CCDC62: variants seen among roughly 807,000 people sequenced by gnomAD.
CCDC62 encodes the protein coiled-coil domain containing 62, also known as coiled-coil domain-containing protein 62.
CCDC62 carries 72 observed loss-of-function variants against 80.8 expected under a neutral mutation model. The ratio of observed to expected loss-of-function variants is 0.89; its 90% CI spans 0.74 to 1.08. CCDC62 has a LOEUF of 1.08. Ranked by LOEUF, CCDC62 falls within the 50% of genes least tolerant of loss-of-function variation. The pLI, the probability that CCDC62 is intolerant of heterozygous loss-of-function variation, is 0.00. For synonymous variants in CCDC62, 286 were observed against 296.5 expected (o/e 0.96, Z 0.36); for missense variants, 704 against 809.4 (o/e 0.87, Z 1.58).
At chr12:122,816,476 A>G (rs2032167778) in intron 11 of CCDC62, among the ~76,000 whole-genome samples, 1 of 152,200 alleles carries the variant, frequency 6.6e-6, no homozygotes, top group Non-Finnish European at 1.5e-5. Context: ...CTGTAATCCC[A>G]GCACTTTGGG....
chr12:122,812,815 G>GAAAA (rs1345342275), intron 10 of CCDC62, among the ~76,000 whole-genome samples: 2 of 148,582 alleles, frequency 1.3e-5, no homozygotes, highest in Non-Finnish European at 3.0e-5. Flanking sequence ...AAGAAAGAAA[G>GAAAA]AAAGAAAGAA....
Position 122,777,659 on chromosome 12 carries a change from G to A in CCDC62, c.205G>A (p.Glu69Lys), listed in dbSNP as rs1309578423. Residue 69 changes from glutamate to lysine, a missense_variant, in exon 2 of 13, where the codon GAA becomes AAA. Glu to Lys is a moderately conservative substitution (Grantham distance 56). Coordinates refer to ENST00000253079, the MANE Select transcript of CCDC62 (RefSeq NM_201435.5). ...EEDRQKVLTL[E>K]ERCSKLEGEL... The stretch of plus-strand genomic sequence containing the variant: ...GGATCGGCAGAAAGTGTTGACACTG[G>A]AAGAACGTTGCAGCAAATTAGAAGG... 1.9e-6 allele frequency: 3 copies of A among 1,614,000 alleles called. No individual in the cohort carries two copies. The highest frequency in any genetic ancestry group is 2.5e-6 in the Non-Finnish European group (3 of 1,180,002).
At chr12:122,790,355 C>CT (rs35088704) in intron 5 of CCDC62, among the ~76,000 whole-genome samples, 141,086 of 151,186 alleles carry the variant, frequency 0.93, 65,996 homozygotes, top group East Asian at 0.99. Flanking sequence ...CAGCTTAAAA[C>CT]TTTTTTTTTA....
chr12:122,788,156 GA>G (rs2030385308), intron 4 of CCDC62, among the ~76,000 whole-genome samples: 1 of 152,166 alleles, frequency 6.6e-6, no homozygotes, highest in South Asian at 2.1e-4. Context: ...GGGAGGGATA[GA>G]ACTTTTACTT....
chr12:122,795,595 T>C (rs893364795), intron 6 of CCDC62, among the ~76,000 whole-genome samples: 6 of 152,118 alleles, frequency 3.9e-5, no homozygotes, highest in Non-Finnish European at 7.3e-5. Context: ...AGCTAATTTT[T>C]TGTATTTTTT....
chr12:122,812,483 G>A (rs1327372561), intron 10 of CCDC62, among the ~76,000 whole-genome samples: 14 of 150,476 alleles, frequency 9.3e-5, no homozygotes, highest in Admixed American at 6.7e-5. Context: ...GCTCACACTT[G>A]TAATCCCAGC....
chr12:122,806,093 G>A, intron 9 of CCDC62, 58 bp from the exon 10 acceptor site: 1 of 1,475,408 alleles, frequency 6.8e-7, no homozygotes. Context: ...GTATAAGAGT[G>A]ATCTATGTAT....
chr12:122,795,630 T>A (rs1007220625), intron 6 of CCDC62, among the ~76,000 whole-genome samples: 1 of 152,092 alleles, frequency 6.6e-6, no homozygotes, highest in Non-Finnish European at 1.5e-5. Flanking sequence ...TTCACCGTGT[T>A]AGCCAGGATG....
intron 1 of CCDC62, among the ~76,000 whole-genome samples, chr12:122,774,946 T>A (rs1879329130): frequency 1.4e-5 from 2 of 147,750 alleles, no homozygotes; most frequent in African/African-American, 5.0e-5. Flanking sequence ...AAAAAAAAAT[T>A]AGCCGGGCGT....
intron 2 of CCDC62, among the ~76,000 whole-genome samples, chr12:122,779,070 C>T (rs192871461): frequency 3.3e-5 from 5 of 152,202 alleles, no homozygotes; most frequent in African/African-American, 1.2e-4. Flanking sequence ...ACACATATAA[C>T]ATATATAACC....
At chr12:122,797,819 C>T (rs984620337) in intron 7 of CCDC62, among the ~76,000 whole-genome samples, 3 of 152,100 alleles carry the variant, frequency 2.0e-5, no homozygotes, top group Admixed American at 1.3e-4. Context: ...GGATTACAGG[C>T]GTGAACCAGC....
At position 122,777,605 on chromosome 12, in the gene CCDC62, C is replaced by T. The variant is rs1379761275; in HGVS notation, c.151C>T (p.His51Tyr). The T allele has an allele frequency of 1.9e-6, 3 of 1,614,058 alleles. No homozygotes were observed. Among genetic ancestry groups the T allele is most frequent in the African/African-American group, 2.7e-5 (2 of 75,040 alleles). Residue 51 changes from histidine (H) to tyrosine (Y), a missense_variant, in exon 2 of 13, where the codon CAC (histidine) becomes TAC (tyrosine). His to Tyr is a moderately conservative substitution (Grantham distance 83). Transcript: ENST00000253079. ...DKELNDMVAVHQQQLLSWEED... is the reference protein window; with the variant it reads ...DKELNDMVAVYQQQLLSWEED... ...AGAGCTCAATGACATGGTTGCAGTG[C>T]ACCAGCAACAGCTTCTTTCATGGGA...
At chr12:122,790,336 C>T (rs2030524830) in intron 5 of CCDC62, among the ~76,000 whole-genome samples, 1 of 145,712 alleles carries the variant, frequency 6.9e-6, no homozygotes, top group African/African-American at 2.6e-5. Context: ...AGGCATGAGC[C>T]ACCACACCCA....
chr12:122,794,295 A>C (rs1171394271), intron 6 of CCDC62, among the ~76,000 whole-genome samples: 3 of 152,100 alleles, frequency 2.0e-5, no homozygotes, highest in Non-Finnish European at 4.4e-5. Flanking sequence ...CTGAGGCTCA[A>C]GTGATCCTCC....
chr12:122,783,801 A>G (rs4759394), intron 3 of CCDC62, among the ~76,000 whole-genome samples: 1 of 152,164 alleles, frequency 6.6e-6, no homozygotes, highest in Non-Finnish European at 1.5e-5. Context: ...GTTCTCATAC[A>G]CACTCTGTAT....
chr12:122,796,877 C>T (rs28564533), intron 6 of CCDC62, among the ~76,000 whole-genome samples: 6,084 of 36,742 alleles, frequency 0.17, 314 homozygotes, highest in East Asian at 0.57. Flanking sequence ...ATCACTTCTT[C>T]TTTTTTTTTT....
chr12:122,801,409 C>T lies in CCDC62; in HGVS notation c.1263C>T (p.Pro421=), dbSNP rs542590389. ...WSLGGKTQIE[P]ENKITLCKIH... ...TGGGAGGAAAAACCCAGATTGAACC[C>T]GAAAACAAAATTACATTGTGCAAGA... Residue 421 remains proline (P), a synonymous_variant, in exon 9 of 13, where the codon CCC becomes CCT. Transcript: ENST00000253079. 24 of 1,613,614 alleles carry T rather than the reference C, an allele frequency of 1.5e-5. No individual in the cohort carries two copies. The highest frequency in any genetic ancestry group is 4.5e-5 in the East Asian group (2 of 44,856).
intron 11 of CCDC62, among the ~76,000 whole-genome samples, chr12:122,822,090 C>CACACACA (rs58333409): frequency 1.0e-4 from 12 of 119,320 alleles, no homozygotes; most frequent in South Asian, 2.9e-4. Flanking sequence ...CACACACACA[C>CACACACA]GACATTATTT....
At chr12:122,794,296 G>A (rs2030805845) in intron 6 of CCDC62, among the ~76,000 whole-genome samples, 1 of 152,144 alleles carries the variant, frequency 6.6e-6, no homozygotes, top group Non-Finnish European at 1.5e-5. Context: ...TGAGGCTCAA[G>A]TGATCCTCCC....
Sources: gnomAD v4.1 joint callset for allele counts (sites outside exome capture counted in the v4.1 genomes callset) on GRCh38, gnomAD v4.1.1 for gene constraint, MANE v1.5 for transcripts, NCBI Gene and HGNC (gene_info 2026-07-23, HGNC 2026-07-21) for gene names.